The following TBC1D16 variants were observed in gnomAD, a reference collection of about 807,000 sequenced individuals.
The protein encoded by TBC1D16 is TBC1 domain family member 16, also known as CTD-2529O21.1.
Under a neutral mutation model 74.7 loss-of-function variants are expected in TBC1D16, and 58 were observed. That is an observed-to-expected ratio of 0.78 (90% CI 0.63 to 0.97). The LOEUF (loss-of-function observed/expected upper bound fraction) is 0.97, where lower values mean the gene tolerates loss of function less well. Ranked by LOEUF, TBC1D16 falls within the 50% of genes least tolerant of loss-of-function variation. The pLI, the probability that TBC1D16 is intolerant of heterozygous loss-of-function variation, is 0.00. For synonymous variants in TBC1D16, 493 were observed against 474.7 expected, an observed-to-expected ratio of 1.04 and a Z score of -0.50; for missense variants, 1,014 against 1,079.5, an observed-to-expected ratio of 0.94 and a Z score of 0.85.
intron 1 of TBC1D16, among the ~76,000 whole-genome samples, chr17:80,024,544 T>TAGGCACACACACCACACACC (rs1275487345): frequency 8.4e-6 from 1 of 118,460 alleles, no homozygotes; most frequent in African/African-American, 3.6e-5. Flanking sequence ...CCACACACCA[T>TAGGCACACACACCACACACC]ATACACACAC....
Position 80,010,891 on chromosome 17 carries a change from G to T in TBC1D16, c.182-134C>A. Reference sequence around the variant, plus strand: ...GCCAGTCCGGCCTCAGATACAGCCTGGCCCTGAGCAAAAACACTAGAGGGA... The same window carrying T: ...GCCAGTCCGGCCTCAGATACAGCCTTGCCCTGAGCAAAAACACTAGAGGGA... On this transcript the variant is annotated intron_variant, in intron 2 of 11. Coordinates refer to ENST00000310924, the MANE Select transcript of TBC1D16 (RefSeq NM_019020.4). This position sits in a 1 kb window ranked among gnomAD's most constrained non-coding sequence, Gnocchi z 8.8. The T allele has an allele frequency of 3.7e-6, 2 of 534,006 alleles. No homozygotes were observed. Among genetic ancestry groups the T allele is most frequent in the Non-Finnish European group, 6.2e-6 (2 of 321,434 alleles). The allele number at this position is 534,006 out of a possible 1,614,324, so 33.1% of individuals were successfully genotyped here. A position where few individuals can be genotyped will look rare whatever the true frequency, so the allele number is the denominator to read the frequency against.
rs1194759780 is a variant in TBC1D16, at chr17:79,956,778, T to A, written c.780-3960A>T. Among the ~76,000 whole-genome samples the A allele has an allele frequency of 6.6e-6, 1 of 152,242 alleles. No homozygotes were observed. The highest frequency in any genetic ancestry group is 1.5e-5 in the Non-Finnish European group (1 of 68,042). On this transcript the variant is annotated intron_variant, in intron 3 of 11. Coordinates refer to ENST00000310924, the MANE Select transcript of TBC1D16 (RefSeq NM_019020.4). This position sits in a 1 kb window ranked among gnomAD's most constrained non-coding sequence, Gnocchi z 4.0. The stretch of plus-strand genomic sequence containing the variant: ...TTGCTTTTCTTCATCCTGAGCCTTT[T>A]AAGTTTGCTGAAAAAAGTCGATGAG...
chr17:79,950,962 G>T lies in TBC1D16; in HGVS notation c.1090-384C>A. On this transcript the variant is annotated intron_variant, in intron 5 of 11. Transcript: ENST00000310924. The surrounding 1 kb of genome is among the most constrained non-coding windows in gnomAD (Gnocchi z 4.6). The stretch of plus-strand genomic sequence containing the variant: ...TGTTCTGCGAGCAGGGAGCCAGCCT[G>T]TCAGATTGCCTCCGCGAGCAGTCAC... 2 of 1,027,050 alleles carry T rather than the reference G, an allele frequency of 1.9e-6. No individual in the cohort carries two copies. Among genetic ancestry groups the T allele is most frequent in the Non-Finnish European group, 1.4e-6 (1 of 733,126 alleles). 63.6% of individuals were successfully genotyped at this position (1,027,050 alleles called of 1,614,324 possible). A position where few individuals can be genotyped will look rare whatever the true frequency, so the allele number is the denominator to read the frequency against.
intron 3 of TBC1D16, among the ~76,000 whole-genome samples, chr17:79,996,869 T>C (rs1441649613): frequency 2.0e-5 from 3 of 152,194 alleles, no homozygotes; most frequent in Non-Finnish European, 4.4e-5. Flanking sequence ...GTAGCTTTAT[T>C]CACAGTCGCC....
At position 79,980,122 on chromosome 17, in the gene TBC1D16, G is replaced by A. The variant is rs570556397; in HGVS notation, c.780-27304C>T. Reference sequence around the variant, plus strand: ...TCCGAGCCTCCCAGCGCATCCCACTGCTCTGCAGAAACAGAATAATCACCA... The same window carrying A: ...TCCGAGCCTCCCAGCGCATCCCACTACTCTGCAGAAACAGAATAATCACCA... On this transcript the variant is annotated intron_variant, in intron 3 of 11. Transcript: ENST00000310924. This position sits in a 1 kb window ranked among gnomAD's most constrained non-coding sequence, Gnocchi z 7.0. Among the ~76,000 whole-genome samples, 1 of 152,294 alleles carries A rather than the reference G, an allele frequency of 6.6e-6. No individual in the cohort carries two copies. The highest frequency in any genetic ancestry group is 2.1e-4 in the South Asian group (1 of 4,824).
chr17:80,023,819 C>G (rs1454960054), intron 1 of TBC1D16: 1 of 150,224 alleles, frequency 6.7e-6, no homozygotes, highest in Non-Finnish European at 1.5e-5. Flanking sequence ...GCGCCTCCAG[C>G]CCTGGTGTGA....
intron 1 of TBC1D16, among the ~76,000 whole-genome samples, chr17:80,021,828 GCACACATA>G (rs1430076698): frequency 1.3e-5 from 2 of 149,976 alleles, no homozygotes; most frequent in African/African-American, 5.1e-5. Flanking sequence ...CACCACAGAT[GCACACATA>G]CCATGACACA....
chr17:80,020,021 G>A (rs1387546332), intron 1 of TBC1D16, among the ~76,000 whole-genome samples: 2 of 149,770 alleles, frequency 1.3e-5, no homozygotes, highest in Non-Finnish European at 2.9e-5. Context: ...AATATGACTG[G>A]TGTCTTTATA....
In TBC1D16 at chr17:79,944,198, C is replaced by T; in HGVS notation, c.1908+710G>A. ...CATCTTCAGGGTTCTCTGACGGAGG[C>T]TGCTGGAGCTGCCGTGGTGGATAGA... On this transcript the variant is annotated intron_variant, in intron 10 of 11. Coordinates refer to ENST00000310924, the MANE Select transcript of TBC1D16 (RefSeq NM_019020.4). The surrounding 1 kb of genome is among the most constrained non-coding windows in gnomAD (Gnocchi z 7.7). The T allele has an allele frequency of 6.7e-7, 1 of 1,499,768 alleles. No individual in the cohort carries two copies. Among genetic ancestry groups the T allele is most frequent in the Non-Finnish European group, 9.0e-7 (1 of 1,114,508 alleles). The allele number at this position is 1,499,768 out of a possible 1,614,324, so 92.9% of individuals were successfully genotyped here.
chr17:80,012,030 T>C (rs1463121047), intron 2 of TBC1D16, among the ~76,000 whole-genome samples: 1 of 152,092 alleles, frequency 6.6e-6, no homozygotes, highest in Non-Finnish European at 1.5e-5. Flanking sequence ...TGCTCAGTTC[T>C]GGGGGGAGGT....
rs2034669729 is a variant in TBC1D16, at chr17:79,983,305, G to A, written c.779+26855C>T. ...CTCAGCTGGCCCCACCCCAGGAAAT[G>A]CAGTCGGTGTGTCTTAGGAGGTTGA... is the stretch of plus-strand genomic sequence containing the variant. On this transcript the variant is annotated intron_variant, in intron 3 of 11. Transcript: ENST00000310924. The surrounding 1 kb of genome is among the most constrained non-coding windows in gnomAD (Gnocchi z 5.6). 1.3e-5 allele frequency among the ~76,000 whole-genome samples: 2 copies of A among 152,240 alleles called. No homozygotes were observed. Among genetic ancestry groups the A allele is most frequent in the Middle Eastern group, 3.2e-3 (1 of 316 alleles).
chr17:79,969,457 C>T (rs2033985357), intron 3 of TBC1D16, among the ~76,000 whole-genome samples: 1 of 152,008 alleles, frequency 6.6e-6, no homozygotes, highest in African/African-American at 2.4e-5. Flanking sequence ...ACTGGGATGG[C>T]TATAATAAAA....
At chr17:79,989,875 C>A (rs2034994814) in intron 3 of TBC1D16, among the ~76,000 whole-genome samples, 1 of 152,138 alleles carries the variant, frequency 6.6e-6, no homozygotes, top group East Asian at 1.9e-4. Context: ...TCTGTAATGA[C>A]CCCCTCTGGA....
intron 3 of TBC1D16, among the ~76,000 whole-genome samples, chr17:79,966,853 C>A (rs948971242): frequency 6.6e-6 from 1 of 152,124 alleles, no homozygotes; most frequent in Non-Finnish European, 1.5e-5. Flanking sequence ...AAGAGTTGTA[C>A]ACCATGACCA....
rs1427537774 is a variant in TBC1D16, at chr17:79,990,220, G to T, written c.779+19940C>A. On this transcript the variant is annotated intron_variant, in intron 3 of 11. Coordinates refer to ENST00000310924, the MANE Select transcript of TBC1D16 (RefSeq NM_019020.4). This position sits in a 1 kb window ranked among gnomAD's most constrained non-coding sequence, Gnocchi z 4.8. ...CTTCAACTCAGCCTGAACTAGCCGC[G>T]TGGACAGCAGCCGTAGCCCTCACAA... is the stretch of plus-strand genomic sequence containing the variant. Among the ~76,000 whole-genome samples the T allele has an allele frequency of 6.6e-6, 1 of 152,196 alleles. No homozygotes were observed. The highest frequency in any genetic ancestry group is 1.5e-5 in the Non-Finnish European group (1 of 68,024).
rs2031710128 is a variant in TBC1D16, at chr17:79,937,731, G to T, written c.*3128C>A. The T allele has an allele frequency of 6.6e-6, 1 of 152,304 alleles. No individual in the cohort carries two copies. The highest frequency in any genetic ancestry group is 1.5e-5 in the Non-Finnish European group (1 of 68,122). The allele number at this position is 152,304 out of a possible 1,614,324, so 9.4% of individuals were successfully genotyped here. A position where few individuals can be genotyped will look rare whatever the true frequency, so the allele number is the denominator to read the frequency against. The stretch of plus-strand genomic sequence containing the variant: ...CACCAGGCTCCTCGCTTCCTCCCCA[G>T]ATCTCTGAGTGCTCACCCGACCCCC... On this transcript the variant is annotated 3_prime_UTR_variant, in exon 12 of 12. Transcript: ENST00000310924.
rs779845852 is a variant in TBC1D16 at position 79,945,028 on chromosome 17, C to T, written c.1788G>A (p.Ser596=). The change falls in exon 10 of 12, where the codon TCG becomes TCA. Residue 596 remains serine, a synonymous_variant. Coordinates refer to ENST00000310924, the MANE Select transcript of TBC1D16 (RefSeq NM_019020.4). ...THVRFYQHLV[S]LGEDGLQMLF... is the part of the protein sequence containing the mutation. ...GCATCTGCAGGCCGTCCTCGCCCAG[C>T]GAGACCAGGTGCTGGTAGAAGCGCA... 37 of 1,582,348 alleles carry T rather than the reference C, an allele frequency of 2.3e-5. 1 individual carries two copies. The South Asian group carries it at 3.6e-4, about 15-fold the overall frequency.
At chr17:80,013,724 G>A (rs895210966) in intron 1 of TBC1D16, 115 bp from the exon 2 acceptor site, 5 of 618,626 alleles carry the variant, frequency 8.1e-6, no homozygotes, top group Non-Finnish European at 1.4e-5. Flanking sequence ...AGCGTGTCCT[G>A]CTGGTGAACA....
Position 80,010,186 on chromosome 17 carries a change from G to T in TBC1D16, c.753C>A (p.Gly251=). The change falls in exon 3 of 12, where the codon GGC becomes GGA. Residue 251 remains glycine (G), a synonymous_variant. Coordinates refer to ENST00000310924, the MANE Select transcript of TBC1D16 (RefSeq NM_019020.4). The surrounding 1 kb of genome is among the most constrained non-coding windows in gnomAD (Gnocchi z 8.8). ...TGCTGTCACTTTCCAGAAACACGGA[G>T]CCGCGGCTCTCGGCCAGCGCCGCGC... ...PISAALAESR[G]SVFLESDSSP... 6.2e-7 allele frequency: 1 copy of T among 1,611,706 alleles called. No homozygotes were observed. The highest frequency in any genetic ancestry group is 8.5e-7 in the Non-Finnish European group (1 of 1,179,112).
Sources: allele counts gnomAD v4.1 joint callset (sites outside exome capture counted in the v4.1 genomes callset), GRCh38; gene constraint gnomAD v4.1.1; non-coding constraint Gnocchi (gnomAD v3.1); transcripts MANE v1.5; gene names NCBI Gene and HGNC (gene_info 2026-07-23, HGNC 2026-07-21).